Variants in C19orf44 observed in about 807,000 individuals in gnomAD.
The protein encoded by C19orf44 is chromosome 19 open reading frame 44, also known as uncharacterized protein C19orf44.
Under a neutral mutation model 50.7 loss-of-function variants are expected in C19orf44, and 43 were observed. That is an observed-to-expected ratio of 0.85 (90% CI 0.66 to 1.09). The LOEUF (loss-of-function observed/expected upper bound fraction) is 1.09, where lower values mean the gene tolerates loss of function less well. C19orf44 is among the 50% of genes least tolerant of loss of function. C19orf44 has a pLI of 0.00. For synonymous variants in C19orf44, 298 were observed against 334.7 expected, an observed-to-expected ratio of 0.89 and a Z score of 1.20; for missense variants, 722 against 836.2, an observed-to-expected ratio of 0.86 and a Z score of 1.68.
intron 1 of C19orf44, chr19:16,496,767 T>TC (rs2093410532): frequency 6.5e-6 from 1 of 152,764 alleles, no homozygotes; most frequent in Non-Finnish European, 1.5e-5. Context: ...AGCTGACGAC[T>TC]CCGTTATTTT....
intron 6 of C19orf44, 27 bp downstream of exon 6, chr19:16,513,136 C>A (rs1457636244): frequency 1.2e-6 from 2 of 1,606,938 alleles, no homozygotes; most frequent in Non-Finnish European, 1.7e-6. Flanking sequence ...GGGGATCCTT[C>A]CTGTCACATT....
chr19:16,502,307 G>A (rs1232188680), intron 2 of C19orf44, among the ~76,000 whole-genome samples: 4 of 143,706 alleles, frequency 2.8e-5, no homozygotes, highest in South Asian at 2.2e-4. Context: ...GCCTGATCTC[G>A]GCTCACTGCA....
rs1363074822 is a variant in C19orf44 at position 16,519,867 on chromosome 19, G to C, written c.*41-227G>C. 9.4e-6 allele frequency: 7 copies of C among 741,306 alleles called. No homozygotes were observed. Among genetic ancestry groups the C allele is most frequent in the Middle Eastern group, 3.5e-4 (1 of 2,896 alleles). The allele number at this position is 741,306 out of a possible 1,614,324, so 45.9% of individuals were successfully genotyped here. A position where few individuals can be genotyped will look rare whatever the true frequency, so the allele number is the denominator to read the frequency against. ...TTTTGCGTCTCTACCCGTTTATCCT[G>C]TCTCAGCTAGATAAGGGGGCTCCAG... On this transcript the variant is annotated intron_variant, in intron 8 of 8. Coordinates refer to ENST00000221671, the MANE Select transcript of C19orf44 (RefSeq NM_032207.4). This position sits in a 1 kb window ranked among gnomAD's most constrained non-coding sequence, Gnocchi z 6.0.
In C19orf44 at chr19:16,520,286, G is replaced by A. The variant is rs1466550515; in HGVS notation, c.*233G>A. On this transcript the variant is annotated 3_prime_UTR_variant, in exon 9 of 9. Transcript: ENST00000221671. The surrounding 1 kb of genome is among the most constrained non-coding windows in gnomAD (Gnocchi z 4.0). ...GACTTCTGCAGGGAAGGGTGCCCAA[G>A]GGTCAGCAGCAGCCAGGCGTCGTGG... 1.2e-6 allele frequency: 2 copies of A among 1,613,452 alleles called. No individual in the cohort carries two copies. Among genetic ancestry groups the A allele is most frequent in the Non-Finnish European group, 1.7e-6 (2 of 1,179,818 alleles).
Position 16,521,239 on chromosome 19 carries a change from C to G in C19orf44, c.*1186C>G, listed in dbSNP as rs2085612237. The G allele has an allele frequency of 1.8e-6, 1 of 570,872 alleles. No homozygotes were observed. Among genetic ancestry groups the G allele is most frequent in the Non-Finnish European group, 3.1e-6 (1 of 320,636 alleles). 35.4% of individuals were successfully genotyped at this position (570,872 alleles called of 1,614,324 possible). Reference sequence around the variant, plus strand: ...CCAGCACAGGAAGGAGGGGTGACCACTGGGAAGGGTGGGCTGAGGGCCCTG... The same window carrying G: ...CCAGCACAGGAAGGAGGGGTGACCAGTGGGAAGGGTGGGCTGAGGGCCCTG... On this transcript the variant is annotated 3_prime_UTR_variant, in exon 9 of 9. Transcript: ENST00000221671.
chr19:16,497,067 G>A (rs2093411413), intron 1 of C19orf44, among the ~76,000 whole-genome samples: 1 of 152,126 alleles, frequency 6.6e-6, no homozygotes, highest in Non-Finnish European at 1.5e-5. Context: ...TGTCCAGGAG[G>A]TCAAGGGCTG....
Position 16,519,788 on chromosome 19 carries a change from C to A in C19orf44, c.*41-306C>A, listed in dbSNP as rs1469263007. ...ATTGGAATGACAGTGATGAGGACCT[C>A]ACAGCCGCAGCTTGCGTGCATGCTC... On this transcript the variant is annotated intron_variant, in intron 8 of 8. Transcript: ENST00000221671. The surrounding 1 kb of genome is among the most constrained non-coding windows in gnomAD (Gnocchi z 6.0). 3 of 1,300,140 alleles carry A rather than the reference C, an allele frequency of 2.3e-6. No individual in the cohort carries two copies. The highest frequency in any genetic ancestry group is 2.2e-6 in the Non-Finnish European group (2 of 894,986). The allele number at this position is 1,300,140 out of a possible 1,614,324, so 80.5% of individuals were successfully genotyped here. A position where few individuals can be genotyped will look rare whatever the true frequency, so the allele number is the denominator to read the frequency against.
chr19:16,506,567 T>C (rs933581073), intron 3 of C19orf44, 134 bp from the exon 4 acceptor site: 1 of 561,282 alleles, frequency 1.8e-6, no homozygotes, highest in African/African-American at 2.0e-5. Flanking sequence ...CACTCCAGCC[T>C]GGGTGACAGA....
chr19:16,519,925 A>C lies in C19orf44; in HGVS notation c.*41-169A>C. On this transcript the variant is annotated intron_variant, in intron 8 of 8. Transcript: ENST00000221671. This position sits in a 1 kb window ranked among gnomAD's most constrained non-coding sequence, Gnocchi z 6.0. ...CCCCCACCCCACGCTCAGCATTGAG[A>C]GCAGGACACCTCCAACCCAGATGGT... 1.5e-6 allele frequency: 1 copy of C among 658,896 alleles called. No individual in the cohort carries two copies. The highest frequency in any genetic ancestry group is 2.7e-5 in the East Asian group (1 of 36,928). 40.8% of individuals were successfully genotyped at this position (658,896 alleles called of 1,614,324 possible).
intron 1 of C19orf44, among the ~76,000 whole-genome samples, chr19:16,498,329 G>A (rs1040314877): frequency 6.6e-6 from 1 of 152,030 alleles, no homozygotes; most frequent in African/African-American, 2.4e-5. Flanking sequence ...TATCATCCGG[G>A]CTGGAGTCCA....
Position 16,519,510 on chromosome 19 carries a change from G to T in C19orf44, c.*41-584G>T. ...AGAGGGTCTGGGTGGAGTCAGAACC[G>T]GCCTGACTCCATCCATCCCCACATG... On this transcript the variant is annotated intron_variant, in intron 8 of 8. Transcript: ENST00000221671. The surrounding 1 kb of genome is among the most constrained non-coding windows in gnomAD (Gnocchi z 6.0). 2 of 1,270,054 alleles carry T rather than the reference G, an allele frequency of 1.6e-6. No homozygotes were observed. The highest frequency in any genetic ancestry group is 1.2e-5 in the South Asian group (1 of 80,148). The allele number at this position is 1,270,054 out of a possible 1,614,324, so 78.7% of individuals were successfully genotyped here.
intron 1 of C19orf44, among the ~76,000 whole-genome samples, chr19:16,498,694 G>A (rs543105626): frequency 6.6e-6 from 1 of 150,890 alleles, no homozygotes; most frequent in African/African-American, 2.4e-5. Context: ...TTTTTGAGAC[G>A]GAGTCTCTCT....
intron 1 of C19orf44, among the ~76,000 whole-genome samples, chr19:16,498,306 T>C (rs2093415620): frequency 6.6e-6 from 1 of 152,128 alleles, no homozygotes; most frequent in African/African-American, 2.4e-5. Context: ...TTTTTAGAGA[T>C]AGGGTCTTGC....
rs1451288704 is a variant in C19orf44 at position 16,519,864 on chromosome 19, C to T, written c.*41-230C>T. On this transcript the variant is annotated intron_variant, in intron 8 of 8. Coordinates refer to ENST00000221671, the MANE Select transcript of C19orf44 (RefSeq NM_032207.4). The surrounding 1 kb of genome is among the most constrained non-coding windows in gnomAD (Gnocchi z 6.0). Reference sequence around the variant, plus strand: ...AGATTTTGCGTCTCTACCCGTTTATCCTGTCTCAGCTAGATAAGGGGGCTC... The same window carrying T: ...AGATTTTGCGTCTCTACCCGTTTATTCTGTCTCAGCTAGATAAGGGGGCTC... 1.3e-6 allele frequency: 1 copy of T among 753,648 alleles called. No homozygotes were observed. Among genetic ancestry groups the T allele is most frequent in the Non-Finnish European group, 2.3e-6 (1 of 435,900 alleles). The allele number at this position is 753,648 out of a possible 1,614,324, so 46.7% of individuals were successfully genotyped here.
intron 4 of C19orf44, among the ~76,000 whole-genome samples, chr19:16,507,750 C>A: frequency 6.6e-6 from 1 of 151,774 alleles, no homozygotes; most frequent in East Asian, 1.9e-4. Flanking sequence ...CCTTGGCCCC[C>A]CAAAGTGCTG....
chr19:16,520,511 T>G lies in C19orf44; in HGVS notation c.*458T>G, dbSNP rs2303119. The stretch of plus-strand genomic sequence containing the variant: ...GCTCCGAGACCTCGAGGGTCCGCTG[T>G]GGGGAGAGGCCTGATGATCAGGTGC... On this transcript the variant is annotated 3_prime_UTR_variant, in exon 9 of 9. Transcript: ENST00000221671. The surrounding 1 kb of genome is among the most constrained non-coding windows in gnomAD (Gnocchi z 4.0). 6.2e-7 allele frequency: 1 copy of G among 1,610,650 alleles called. No homozygotes were observed. The highest frequency in any genetic ancestry group is 8.5e-7 in the Non-Finnish European group (1 of 1,178,298).
Position 16,509,957 on chromosome 19 carries a change from A to C in C19orf44, c.1608A>C (p.Pro536=). The C allele has an allele frequency of 6.2e-7, 1 of 1,614,254 alleles. No homozygotes were observed. Among genetic ancestry groups the C allele is most frequent in the Non-Finnish European group, 8.5e-7 (1 of 1,180,042 alleles). ...TGAAGGACACAGCTGTGCAGACGCC[A>C]GATCCTGCCTTCACCTACGAGTGGA... is the stretch of plus-strand genomic sequence containing the variant. The part of the protein sequence containing the change: ...VLVKDTAVQT[P]DPAFTYEWTK... The change falls in exon 5 of 9, where the codon CCA becomes CCC. Residue 536 remains proline (P), a synonymous_variant. Coordinates refer to ENST00000221671, the MANE Select transcript of C19orf44 (RefSeq NM_032207.4).
At chr19:16,517,422 T>C (rs778155831) in intron 8 of C19orf44, 81 bp downstream of exon 8, 2 of 963,336 alleles carry the variant, frequency 2.1e-6, no homozygotes, top group Non-Finnish European at 3.2e-6. Flanking sequence ...CGTTCCGTGG[T>C]GGGGGCAGGT....
rs1351094570 is a variant in C19orf44, at chr19:16,520,135, A to G, written c.*82A>G. The G allele has an allele frequency of 6.2e-7, 1 of 1,611,276 alleles. No individual in the cohort carries two copies. The highest frequency in any genetic ancestry group is 2.2e-5 in the East Asian group (1 of 44,888). Reference sequence around the variant, plus strand: ...CCCAGAGTTACCAGCGCAGCACTTAAGACAGGATCTTACGGCGGGGTGGGG... The same window carrying G: ...CCCAGAGTTACCAGCGCAGCACTTAGGACAGGATCTTACGGCGGGGTGGGG... On this transcript the variant is annotated 3_prime_UTR_variant, in exon 9 of 9. Coordinates refer to ENST00000221671, the MANE Select transcript of C19orf44 (RefSeq NM_032207.4). The surrounding 1 kb of genome is among the most constrained non-coding windows in gnomAD (Gnocchi z 4.0).
Sources: allele counts gnomAD v4.1 joint callset (sites outside exome capture counted in the v4.1 genomes callset), GRCh38; gene constraint gnomAD v4.1.1; non-coding constraint Gnocchi (gnomAD v3.1); transcripts MANE v1.5; gene names NCBI Gene and HGNC (gene_info 2026-07-23, HGNC 2026-07-21).